CCSER1: variants seen among roughly 807,000 people sequenced by gnomAD.
CCSER1 encodes coiled-coil serine rich protein 1.
Under a neutral mutation model 82.0 loss-of-function variants are expected in CCSER1, and 41 were observed. The ratio of observed to expected loss-of-function variants is 0.50; its 90% CI spans 0.39 to 0.65. The LOEUF (loss-of-function observed/expected upper bound fraction) is 0.65, where lower values mean the gene tolerates loss of function less well. Ranked by LOEUF, CCSER1 falls within the 30% of genes least tolerant of loss-of-function variation. The pLI is 0.00. For missense variants in CCSER1, 1,119 were observed against 1,064.2 expected, an observed-to-expected ratio of 1.05 and a Z score of -0.72; for synonymous variants, 414 against 383.9, an observed-to-expected ratio of 1.08 and a Z score of -0.92.
At chr4:90,645,935 T>C (rs1727498252) in intron 6 of CCSER1, among the ~76,000 whole-genome samples, 1 of 152,234 alleles carries the variant, frequency 6.6e-6, no homozygotes, top group African/African-American at 2.4e-5. Flanking sequence ...TCTTGAATTG[T>C]TTCTTCTGAA....
intron 5 of CCSER1, among the ~76,000 whole-genome samples, chr4:90,479,640 C>T (rs886639301): frequency 2.0e-5 from 3 of 151,380 alleles, no homozygotes; most frequent in Non-Finnish European, 4.4e-5. Flanking sequence ...GGTTTTTTGT[C>T]CTTGCGATAG....
At chr4:91,063,984 T>G (rs1744163473) in intron 9 of CCSER1, among the ~76,000 whole-genome samples, 1 of 152,226 alleles carries the variant, frequency 6.6e-6, no homozygotes, top group South Asian at 2.1e-4. Flanking sequence ...CACATTATCT[T>G]TTGAAACATA....
In CCSER1 at chr4:91,601,360, T is replaced by A. The variant is rs987779816; in HGVS notation, c.*2303T>A. On this transcript the variant is annotated 3_prime_UTR_variant, in exon 11 of 11. Transcript: ENST00000509176. ...TAAAAGGAAGGGTATTTTTTGGAAA[T>A]ATCATCTTAAAGCTGTTTTGTATCA... 1 of 152,052 alleles carries A rather than the reference T, an allele frequency of 6.6e-6. No individual in the cohort carries two copies. The highest frequency in any genetic ancestry group is 1.5e-5 in the Non-Finnish European group (1 of 67,954). The allele number at this position is 152,052 out of a possible 1,614,324, so 9.4% of individuals were successfully genotyped here.
At chr4:91,361,439 A>G (rs1006960049) in intron 10 of CCSER1, among the ~76,000 whole-genome samples, 5 of 151,828 alleles carry the variant, frequency 3.3e-5, no homozygotes, top group African/African-American at 1.2e-4. Context: ...AGACTTTCTG[A>G]AGTAGGAGAT....
chr4:90,153,124 G>T (rs966066009), intron 1 of CCSER1, among the ~76,000 whole-genome samples: 1 of 146,996 alleles, frequency 6.8e-6, no homozygotes, highest in African/African-American at 2.5e-5. Context: ...CTATGAGTGA[G>T]AATATGCGGT....
chr4:90,909,137 A>G (rs959259101), intron 8 of CCSER1, among the ~76,000 whole-genome samples: 15 of 152,100 alleles, frequency 9.9e-5, no homozygotes, highest in Non-Finnish European at 1.9e-4. Flanking sequence ...TCTAGTTTCT[A>G]CCTCTGTCTT....
chr4:90,361,184 T>C (rs1049076979), intron 3 of CCSER1, among the ~76,000 whole-genome samples: 6 of 152,330 alleles, frequency 3.9e-5, no homozygotes, highest in African/African-American at 1.2e-4. Context: ...ATGGTTTCTA[T>C]AGTAGTAGAG....
chr4:90,587,525 G>A (rs1034445473), intron 5 of CCSER1, among the ~76,000 whole-genome samples: 5 of 152,098 alleles, frequency 3.3e-5, no homozygotes, highest in East Asian at 1.9e-4. Flanking sequence ...CAGGAGAATC[G>A]CTTGAACCCG....
At chr4:91,373,719 A>G (rs1390668561) in intron 10 of CCSER1, among the ~76,000 whole-genome samples, 3 of 152,142 alleles carry the variant, frequency 2.0e-5, no homozygotes, top group Admixed American at 2.0e-4. Flanking sequence ...TCTCACTTTC[A>G]ATAAAAAACT....
chr4:90,517,326 G>A (rs1772427346), intron 5 of CCSER1, among the ~76,000 whole-genome samples: 1 of 151,954 alleles, frequency 6.6e-6, no homozygotes, highest in Non-Finnish European at 1.5e-5. Flanking sequence ...CGTAAGTCGG[G>A]GACCATCTGT....
chr4:90,527,499 A>G (rs557701176), intron 5 of CCSER1, among the ~76,000 whole-genome samples: 2 of 152,260 alleles, frequency 1.3e-5, no homozygotes, highest in South Asian at 4.1e-4. Flanking sequence ...CTGATATAAT[A>G]ATTCTTATTA....
intron 10 of CCSER1, among the ~76,000 whole-genome samples, chr4:91,471,597 C>G (rs1217897738): frequency 6.6e-6 from 1 of 152,128 alleles, no homozygotes; most frequent in Non-Finnish European, 1.5e-5. Flanking sequence ...CTCACTAGAT[C>G]TGACAGCACT....
chr4:91,579,179 T>C (rs1763605988), intron 10 of CCSER1, among the ~76,000 whole-genome samples: 3 of 151,662 alleles, frequency 2.0e-5, no homozygotes. Flanking sequence ...GATGGATAGC[T>C]TTCTATTAGG....
At chr4:91,306,886 A>T (rs1333779558) in intron 10 of CCSER1, among the ~76,000 whole-genome samples, 1 of 151,910 alleles carries the variant, frequency 6.6e-6, no homozygotes, top group Non-Finnish European at 1.5e-5. Flanking sequence ...TTTCTGCTGC[A>T]CTCTGAGGAA....
rs151060726 is a variant in CCSER1, at chr4:90,656,416, T to C, written c.1932+28184T>C. On this transcript the variant is annotated intron_variant, in intron 6 of 10. Transcript: ENST00000509176. ...TTTTATAATTATGATTTTTTATTTT[T>C]AATAAATATTCTGGTGTTAATCCTA... Among the ~76,000 whole-genome samples, 59 of 151,948 alleles carry C rather than the reference T, an allele frequency of 3.9e-4. No homozygotes were observed. In the East Asian group the frequency reaches 0.011, roughly 29 times the overall value.
At chr4:90,616,994 C>G (rs1721404918) in intron 5 of CCSER1, among the ~76,000 whole-genome samples, 1 of 152,070 alleles carries the variant, frequency 6.6e-6, no homozygotes, top group South Asian at 2.1e-4. Flanking sequence ...TGTGTGTATC[C>G]TGTTCAGTCT....
intron 1 of CCSER1, among the ~76,000 whole-genome samples, chr4:90,237,552 A>T (rs527292336): frequency 6.6e-6 from 1 of 152,190 alleles, no homozygotes; most frequent in Non-Finnish European, 1.5e-5. Flanking sequence ...TAGGCCACAG[A>T]AACTTCCATT....
At chr4:90,862,645 C>A (rs1224934746) in intron 8 of CCSER1, among the ~76,000 whole-genome samples, 1 of 151,872 alleles carries the variant, frequency 6.6e-6, no homozygotes, top group Non-Finnish European at 1.5e-5. Flanking sequence ...GGAAATAGGA[C>A]AATGTAACAG....
At chr4:91,454,819 G>A (rs181949325) in intron 10 of CCSER1, among the ~76,000 whole-genome samples, 3 of 151,714 alleles carry the variant, frequency 2.0e-5, no homozygotes, top group African/African-American at 4.8e-5. Context: ...TCGACTCCCC[G>A]AGAAGCTGAT....
Sources: gnomAD v4.1 joint callset for allele counts (sites outside exome capture counted in the v4.1 genomes callset) on GRCh38, gnomAD v4.1.1 for gene constraint, MANE v1.5 for transcripts, NCBI Gene and HGNC (gene_info 2026-07-23, HGNC 2026-07-21) for gene names.